FBN1: variants seen among roughly 807,000 people sequenced by gnomAD.
FBN1 encodes fibrillin 1, also known as fibrillin-1.
FBN1 carries 29 observed loss-of-function variants against 365.1 expected under a neutral mutation model. The ratio of observed to expected loss-of-function variants is 0.08; its 90% CI spans 0.06 to 0.11. The LOEUF is 0.11. FBN1 is among the 10% of genes least tolerant of loss of function. The probability of loss-of-function intolerance (pLI) is 1.00; values close to 1 mark genes in which losing one functional copy is unlikely to be tolerated. For missense variants in FBN1, 2,476 were observed against 3,703.2 expected, an observed-to-expected ratio of 0.67 and a Z score of 8.60; for synonymous variants, 1,210 against 1,270.5, an observed-to-expected ratio of 0.95 and a Z score of 1.01.
At position 48,411,227 on chromosome 15, in the gene FBN1, G is replaced by A. The variant is rs1285157391; in HGVS notation, c.8379C>T (p.Tyr2793=). Residue 2793 remains tyrosine, a synonymous_variant, in exon 66 of 66, where the codon TAC becomes TAT. Transcript: ENST00000316623. ...CATCTTCATTTCCAGATTCGATCAA[G>A]TATCTGTTGTGATTCGTCAGAGTTG... The part of the protein sequence containing the change: ...ALTTLTNHNR[Y]LIESGNEDGF... 2 of 1,614,006 alleles carry A rather than the reference G, an allele frequency of 1.2e-6. No homozygotes were observed. Among genetic ancestry groups the A allele is most frequent in the Non-Finnish European group, 1.7e-6 (2 of 1,180,000 alleles).
intron 41 of FBN1, among the ~76,000 whole-genome samples, chr15:48,463,613 A>T (rs1445867320): frequency 6.6e-6 from 1 of 152,246 alleles, no homozygotes; most frequent in African/African-American, 2.4e-5. Context: ...CACTGTAAAT[A>T]TAATTGTACA....
At chr15:48,538,412 A>G (rs938387109) in intron 6 of FBN1, among the ~76,000 whole-genome samples, 3 of 152,198 alleles carry the variant, frequency 2.0e-5, no homozygotes, top group African/African-American at 7.2e-5. Context: ...CAAGAATTTA[A>G]AATTTTGTCC....
At chr15:48,582,838 T>C (rs1278169900) in intron 6 of FBN1, among the ~76,000 whole-genome samples, 1 of 152,158 alleles carries the variant, frequency 6.6e-6, no homozygotes, top group African/African-American at 2.4e-5. Context: ...AAAAGCAATC[T>C]AAGCAGCAAA....
Position 48,445,438 on chromosome 15 carries a change from C to T in FBN1, c.5855G>A (p.Gly1952Glu). 6.2e-7 allele frequency: 1 copy of T among 1,612,570 alleles called. No homozygotes were observed. The highest frequency in any genetic ancestry group is 8.5e-7 in the Non-Finnish European group (1 of 1,179,118). ...CRNGQCINTV[G>E]SFQCQCNEGY... is the part of the protein sequence containing the mutation. ...TTCATTGCACTGGCACTGGAAAGAC[C>T]CCACTGTATTAATGCATTGGCCATT... Residue 1952 changes from glycine (G) to glutamate (E), a missense_variant, in exon 48 of 66, where the codon GGG becomes GAG. Coordinates refer to ENST00000316623, the MANE Select transcript of FBN1 (RefSeq NM_000138.5).
chr15:48,512,960 C>A (rs2043772957), intron 13 of FBN1, among the ~76,000 whole-genome samples: 1 of 152,064 alleles, frequency 6.6e-6, no homozygotes, highest in Admixed American at 6.5e-5. Flanking sequence ...AGTTAATAAA[C>A]CTGATGGGAA....
intron 54 of FBN1, among the ~76,000 whole-genome samples, chr15:48,433,399 T>C (rs945199314): frequency 1.3e-5 from 2 of 152,162 alleles, no homozygotes; most frequent in South Asian, 2.1e-4. Flanking sequence ...GCCAAAACAA[T>C]TGTGGTCAGA....
At chr15:48,574,900 A>G (rs1479241024) in intron 6 of FBN1, among the ~76,000 whole-genome samples, 2 of 152,240 alleles carry the variant, frequency 1.3e-5, no homozygotes, top group Non-Finnish European at 2.9e-5. Flanking sequence ...ACAAATATTG[A>G]TGATGACTGC....
At chr15:48,515,311 A>T in intron 12 of FBN1, 76 bp downstream of exon 12, 1 of 1,550,756 alleles carries the variant, frequency 6.4e-7, no homozygotes, top group Non-Finnish European at 8.9e-7. Context: ...TTGTTACAGC[A>T]GCAATAGAAA....
At chr15:48,475,654 AT>A (rs1401411344) in intron 32 of FBN1, among the ~76,000 whole-genome samples, 1 of 152,232 alleles carries the variant, frequency 6.6e-6, no homozygotes, top group African/African-American at 2.4e-5. Flanking sequence ...CACTGCAAGA[AT>A]TTCCAGTGAA....
chr15:48,554,515 TA>T (rs887801992), intron 6 of FBN1, among the ~76,000 whole-genome samples: 1 of 152,092 alleles, frequency 6.6e-6, no homozygotes, highest in Non-Finnish European at 1.5e-5. Context: ...TGGTGTCAGC[TA>T]AAAAAATATA....
In FBN1 at chr15:48,534,018, CTAATGT is replaced by C. The variant is rs1392868764; in HGVS notation, c.862+56_862+61del. 50 of 1,607,606 alleles carry C rather than the reference CTAATGT, an allele frequency of 3.1e-5. No individual in the cohort carries two copies. In the East Asian group the frequency reaches 1.0e-3, roughly 33 times the overall value. On this transcript the variant is annotated intron_variant, in intron 8 of 65. Coordinates refer to ENST00000316623, the MANE Select transcript of FBN1 (RefSeq NM_000138.5). ...GAATAATTTGCAAACAAGCTTGTTT[CTAATGT>C]TGAGTTTTGCCTGCCCCCACTACAC...
chr15:48,443,980 T>C (rs868727731), intron 49 of FBN1, among the ~76,000 whole-genome samples: 3 of 152,168 alleles, frequency 2.0e-5, no homozygotes, highest in Non-Finnish European at 4.4e-5. Context: ...TACAGTGAGC[T>C]ATACTCGTGC....
chr15:48,617,908 T>C (rs1173210395), intron 2 of FBN1, among the ~76,000 whole-genome samples: 1 of 152,192 alleles, frequency 6.6e-6, no homozygotes, highest in Non-Finnish European at 1.5e-5. Flanking sequence ...AAGTGCAAAC[T>C]CCTTTTCAGA....
intron 15 of FBN1, among the ~76,000 whole-genome samples, chr15:48,506,936 C>G (rs967825474): frequency 2.0e-5 from 3 of 152,202 alleles, no homozygotes; most frequent in Non-Finnish European, 4.4e-5. Flanking sequence ...CTCTCTCTCT[C>G]TCAGATCCTT....
intron 3 of FBN1, among the ~76,000 whole-genome samples, chr15:48,611,586 T>C (rs752240283): frequency 1.2e-4 from 19 of 152,224 alleles, no homozygotes; most frequent in Non-Finnish European, 2.2e-4. Context: ...TGTTTAATTT[T>C]TATCCTGTTC....
intron 6 of FBN1, among the ~76,000 whole-genome samples, chr15:48,574,341 A>C (rs1448725943): frequency 6.6e-6 from 1 of 152,214 alleles, no homozygotes; most frequent in African/African-American, 2.4e-5. Context: ...AAGAATGTCA[A>C]ATGGAAGGAG....
chr15:48,452,784 G>A (rs2043211534), intron 44 of FBN1, 100 bp from the exon 45 acceptor site: 1 of 1,375,896 alleles, frequency 7.3e-7, no homozygotes, highest in African/African-American at 1.4e-5. Context: ...ATTTTGATCT[G>A]TTCTATTGAA....
rs561237104 is a variant in FBN1 at position 48,600,652 on chromosome 15, C to T, written c.347-418G>A. Among the ~76,000 whole-genome samples, 15 of 152,168 alleles carry T rather than the reference C, an allele frequency of 9.9e-5. 1 individual carries two copies. Among genetic ancestry groups the T allele is most frequent in the African/African-American group, 3.1e-4 (13 of 41,508 alleles). ...CTGGGGGGGCAGAGGTTGTAGTGAG[C>T]GGAGATCGCACCACTGTACTCCAGC... On this transcript the variant is annotated intron_variant, in intron 4 of 65. Transcript: ENST00000316623.
At chr15:48,436,936 C>A in intron 53 of FBN1, 25 bp downstream of exon 53, 1 of 1,374,644 alleles carries the variant, frequency 7.3e-7, no homozygotes, top group Non-Finnish European at 1.0e-6. Flanking sequence ...TGTAAAGTTC[C>A]TATGGAAGAA....
Sources: gnomAD v4.1 joint callset for allele counts (sites outside exome capture counted in the v4.1 genomes callset) on GRCh38, gnomAD v4.1.1 for gene constraint, MANE v1.5 for transcripts, NCBI Gene and HGNC (gene_info 2026-07-23, HGNC 2026-07-21) for gene names.